The following ARHGAP25 variants were observed in gnomAD, a reference collection of about 807,000 sequenced individuals.
ARHGAP25 encodes the protein Rho GTPase activating protein 25.
A neutral mutation model predicts 71.0 loss-of-function variants in ARHGAP25; 34 were observed. The observed-to-expected ratio is 0.48, with a 90% confidence interval of 0.36 to 0.64. The LOEUF (loss-of-function observed/expected upper bound fraction) is 0.64, where lower values mean the gene tolerates loss of function less well. Ranked by LOEUF, ARHGAP25 falls within the 30% of genes least tolerant of loss-of-function variation. The pLI, the probability that ARHGAP25 is intolerant of heterozygous loss-of-function variation, is 0.00. For missense variants in ARHGAP25, 706 were observed against 805.1 expected, an observed-to-expected ratio of 0.88 and a Z score of 1.49; for synonymous variants, 282 against 296.5, an observed-to-expected ratio of 0.95 and a Z score of 0.50.
At position 68,813,314 on chromosome 2, in the gene ARHGAP25, C is replaced by G; in HGVS notation, c.702C>G (p.Ser234=). The change falls in exon 6 of 11, where the codon TCC becomes TCG. Residue 234 remains serine, a synonymous_variant. Coordinates refer to ENST00000409202, the MANE Select transcript of ARHGAP25 (RefSeq NM_001007231.3). Reference sequence around the variant, plus strand: ...ACACAGATGTGCACACTGTGGCTTCCCTGTTAAAGCTCTACCTCCGAGACC... The same window carrying G: ...ACACAGATGTGCACACTGTGGCTTCGCTGTTAAAGCTCTACCTCCGAGACC... ...DRDTDVHTVA[S]LLKLYLRDLP... 1 of 1,613,618 alleles carries G rather than the reference C, an allele frequency of 6.2e-7. No homozygotes were observed. Among genetic ancestry groups the G allele is most frequent in the Middle Eastern group, 1.7e-4 (1 of 6,060 alleles).
intron 2 of ARHGAP25, among the ~76,000 whole-genome samples, chr2:68,781,466 T>C (rs950128510): frequency 6.6e-6 from 1 of 152,220 alleles, no homozygotes; most frequent in East Asian, 1.9e-4. Context: ...ATGGTGGAAG[T>C]GGCTTGTTTT....
At chr2:68,793,539 C>G (rs934776794) in intron 4 of ARHGAP25, among the ~76,000 whole-genome samples, 2 of 152,124 alleles carry the variant, frequency 1.3e-5, no homozygotes, top group Admixed American at 6.5e-5. Context: ...GGTGTCTTTT[C>G]TCCAGGGTAT....
upstream of ARHGAP25, among the ~76,000 whole-genome samples, chr2:68,732,372 G>GT (rs1422851319): frequency 6.6e-6 from 1 of 152,206 alleles, no homozygotes; most frequent in Non-Finnish European, 1.5e-5. Flanking sequence ...ACATTCCTCA[G>GT]TTTAAAGGTC....
At chr2:68,722,915 A>G (rs540428375) in intron 2 of ARHGAP25, among the ~76,000 whole-genome samples, 1 of 152,228 alleles carries the variant, frequency 6.6e-6, no homozygotes, top group African/African-American at 2.4e-5. Context: ...CCACTCTCCA[A>G]ACGGGAGAGG....
chr2:68,815,423 G>T (rs888288138), intron 6 of ARHGAP25, among the ~76,000 whole-genome samples: 342 of 4,578 alleles, frequency 0.075, 1 homozygote, highest in Admixed American at 0.23. Context: ...CTGCACACCG[G>T]CATGTGAATT....
At chr2:68,736,419 A>G (rs1675223754) in intron 1 of ARHGAP25, among the ~76,000 whole-genome samples, 2 of 152,218 alleles carry the variant, frequency 1.3e-5, no homozygotes, top group Non-Finnish European at 2.9e-5. Flanking sequence ...TATCATTGAT[A>G]CAAATGTACT....
intron 6 of ARHGAP25, among the ~76,000 whole-genome samples, chr2:68,815,487 T>C (rs535203144): frequency 2.9e-5 from 4 of 138,848 alleles, no homozygotes; most frequent in Non-Finnish European, 6.1e-5. Flanking sequence ...GTTTGGCTCT[T>C]TCGCCCAGGC....
At chr2:68,722,145 C>G (rs1408500545) in intron 2 of ARHGAP25, among the ~76,000 whole-genome samples, 2 of 152,204 alleles carry the variant, frequency 1.3e-5, no homozygotes, top group Non-Finnish European at 2.9e-5. Flanking sequence ...GCCTGATAGG[C>G]CTTTTAAACA....
At chr2:68,774,722 C>A in intron 1 of ARHGAP25, 2 of 1,005,528 alleles carry the variant, frequency 2.0e-6, no homozygotes, top group South Asian at 7.9e-5. Flanking sequence ...TTCTGTCTTG[C>A]GGCCCCTCCT....
intron 1 of ARHGAP25, among the ~76,000 whole-genome samples, chr2:68,752,344 T>C (rs1676228364): frequency 1.3e-5 from 2 of 149,744 alleles, no homozygotes; most frequent in African/African-American, 5.1e-5. Context: ...AGAAATATTA[T>C]GAATGCCATT....
intron 1 of ARHGAP25, among the ~76,000 whole-genome samples, chr2:68,753,443 C>T (rs186749695): frequency 1.3e-5 from 2 of 152,278 alleles, no homozygotes; most frequent in Non-Finnish European, 2.9e-5. Flanking sequence ...ACACTCCTGG[C>T]TACATTTTCT....
chr2:68,826,445 G>A lies in ARHGAP25; in HGVS notation c.*251G>A. On this transcript the variant is annotated 3_prime_UTR_variant, in exon 11 of 11. Transcript: ENST00000409202. Reference sequence around the variant, plus strand: ...TTGTTTTATTCCATTCTGGTCTCAGGCATGACCACGTCCAGTGAAGACATT... The same window carrying A: ...TTGTTTTATTCCATTCTGGTCTCAGACATGACCACGTCCAGTGAAGACATT... 1.7e-6 allele frequency: 1 copy of A among 580,316 alleles called. No individual in the cohort carries two copies. Among genetic ancestry groups the A allele is most frequent in the East Asian group, 3.3e-5 (1 of 30,196 alleles). 35.9% of individuals were successfully genotyped at this position (580,316 alleles called of 1,614,324 possible). A position where few individuals can be genotyped will look rare whatever the true frequency, so the allele number is the denominator to read the frequency against.
chr2:68,796,548 A>T (rs56867177), intron 4 of ARHGAP25, among the ~76,000 whole-genome samples: 1 of 152,182 alleles, frequency 6.6e-6, no homozygotes, highest in Non-Finnish European at 1.5e-5. Context: ...GGGTAGGGCC[A>T]TTTGACTTTG....
chr2:68,754,550 T>G (rs1396330076), intron 1 of ARHGAP25, among the ~76,000 whole-genome samples: 1 of 152,260 alleles, frequency 6.6e-6, no homozygotes, highest in Admixed American at 6.5e-5. Context: ...AAATATTTGC[T>G]TATAAGTTTG....
chr2:68,810,353 C>A lies in ARHGAP25; in HGVS notation c.674+2873C>A, dbSNP rs1680694070. Among the ~76,000 whole-genome samples the A allele has an allele frequency of 5.9e-5, 9 of 152,148 alleles. No individual in the cohort carries two copies. In the South Asian group the frequency reaches 1.9e-3, roughly 32 times the overall value. ...AACTCAACACTATGAAAACTTAGAACAGGGGCTTTTCACATGGTCTTGTGT... is the reference window on the plus strand; with the variant it reads ...AACTCAACACTATGAAAACTTAGAAAAGGGGCTTTTCACATGGTCTTGTGT... On this transcript the variant is annotated intron_variant, in intron 5 of 10. Coordinates refer to ENST00000409202, the MANE Select transcript of ARHGAP25 (RefSeq NM_001007231.3).
chr2:68,791,489 T>C (rs778865582), intron 4 of ARHGAP25, among the ~76,000 whole-genome samples: 1 of 152,048 alleles, frequency 6.6e-6, no homozygotes, highest in African/African-American at 2.4e-5. Flanking sequence ...ATAATTATAA[T>C]ATCTTCCTCC....
At chr2:68,818,065 G>A in intron 8 of ARHGAP25, 71 bp downstream of exon 8, 2 of 1,577,314 alleles carry the variant, frequency 1.3e-6, no homozygotes, top group South Asian at 2.2e-5. Flanking sequence ...TGATATTTGT[G>A]CACTGCTCTG....
chr2:68,736,998 T>A (rs895642313), intron 1 of ARHGAP25, among the ~76,000 whole-genome samples: 1 of 152,186 alleles, frequency 6.6e-6, no homozygotes, highest in South Asian at 2.1e-4. Flanking sequence ...GTTGGCTGAA[T>A]GAATGCTTCA....
At chr2:68,732,926 A>G (rs1430218441), upstream of ARHGAP25, among the ~76,000 whole-genome samples, 3 of 152,206 alleles carry the variant, frequency 2.0e-5, no homozygotes, top group African/African-American at 4.8e-5. Flanking sequence ...GATGGCTACT[A>G]TAGATCTAAG....
Sources: allele counts gnomAD v4.1 joint callset (sites outside exome capture counted in the v4.1 genomes callset), GRCh38; gene constraint gnomAD v4.1.1; transcripts MANE v1.5; gene names NCBI Gene and HGNC (gene_info 2026-07-23, HGNC 2026-07-21).